The following TTC29 variants were observed in gnomAD, a reference collection of about 807,000 sequenced individuals.
The protein encoded by TTC29 is tetratricopeptide repeat protein 29.
A neutral mutation model predicts 58.1 loss-of-function variants in TTC29; 49 were observed. That is an observed-to-expected ratio of 0.84 (90% CI 0.67 to 1.07). The LOEUF (loss-of-function observed/expected upper bound fraction) is 1.07, where lower values mean the gene tolerates loss of function less well. Among genes scored for constraint, TTC29 ranks in the 50% least tolerant of loss-of-function variants. The probability of loss-of-function intolerance (pLI) is 0.00; values close to 1 mark genes in which losing one functional copy is unlikely to be tolerated. For synonymous variants in TTC29, 209 were observed against 196.8 expected, an observed-to-expected ratio of 1.06 and a Z score of -0.52; for missense variants, 582 against 555.6, an observed-to-expected ratio of 1.05 and a Z score of -0.48.
At chr4:146,910,665 G>A (rs1733837120) in intron 4 of TTC29, among the ~76,000 whole-genome samples, 1 of 152,100 alleles carries the variant, frequency 6.6e-6, no homozygotes, top group Non-Finnish European at 1.5e-5. Context: ...TGACGAGACT[G>A]CATTTTACAA....
At chr4:146,922,107 G>A (rs17022132) in intron 4 of TTC29, among the ~76,000 whole-genome samples, 23,520 of 148,588 alleles carry the variant, frequency 0.16, 2,975 homozygotes, top group African/African-American at 0.34. Flanking sequence ...CTTAAATGCA[G>A]AACCACTATG....
At chr4:146,831,931 A>T (rs948108012) in intron 9 of TTC29, 88 of 200,658 alleles carry the variant, frequency 4.4e-4, no homozygotes, top group African/African-American at 2.0e-3. Flanking sequence ...TTTATTAATT[A>T]ATTTATTTAT....
chr4:146,739,926 TC>T (rs1744999572), intron 11 of TTC29, among the ~76,000 whole-genome samples: 1 of 152,096 alleles, frequency 6.6e-6, no homozygotes, highest in South Asian at 2.1e-4. Context: ...CTAAATTCCC[TC>T]CAAAGAAATA....
chr4:146,799,133 A>G (rs1427959964), intron 11 of TTC29, among the ~76,000 whole-genome samples: 2 of 152,106 alleles, frequency 1.3e-5, no homozygotes, highest in East Asian at 3.9e-4. Context: ...AATGACACCA[A>G]GCTGCCAGTA....
intron 11 of TTC29, among the ~76,000 whole-genome samples, chr4:146,720,514 G>T (rs1250269931): frequency 6.6e-6 from 1 of 152,010 alleles, no homozygotes; most frequent in Non-Finnish European, 1.5e-5. Context: ...ACAAATGTAA[G>T]GTTAAGTCAT....
chr4:146,728,808 T>TATATACAC (rs1561066405), intron 11 of TTC29, among the ~76,000 whole-genome samples: 1 of 123,936 alleles, frequency 8.1e-6, no homozygotes, highest in Non-Finnish European at 1.7e-5. Context: ...TATATACACA[T>TATATACAC]ATATATGTGT....
At chr4:146,759,799 G>T (rs1746731468) in intron 11 of TTC29, among the ~76,000 whole-genome samples, 1 of 152,072 alleles carries the variant, frequency 6.6e-6, no homozygotes, top group African/African-American at 2.4e-5. Flanking sequence ...TGTAGTAAAA[G>T]CCATCTATGA....
chr4:146,767,826 C>T (rs1311746685), intron 11 of TTC29, among the ~76,000 whole-genome samples: 1 of 152,014 alleles, frequency 6.6e-6, no homozygotes, highest in Non-Finnish European at 1.5e-5. Flanking sequence ...ATAATGTCTG[C>T]TATTGCAAAA....
chr4:146,885,243 CA>C (rs199676126), intron 6 of TTC29, among the ~76,000 whole-genome samples: 27 of 149,672 alleles, frequency 1.8e-4, no homozygotes, highest in Admixed American at 1.5e-3. Context: ...TGCAATAAAG[CA>C]AAAAAAAGGA....
At chr4:146,719,285 A>G (rs1318721209) in intron 11 of TTC29, among the ~76,000 whole-genome samples, 1 of 151,842 alleles carries the variant, frequency 6.6e-6, no homozygotes, top group Non-Finnish European at 1.5e-5. Context: ...AAATGACGTT[A>G]AATCTCTCAA....
At chr4:146,790,025 T>G (rs1749312894) in intron 11 of TTC29, among the ~76,000 whole-genome samples, 1 of 152,142 alleles carries the variant, frequency 6.6e-6, no homozygotes, top group Non-Finnish European at 1.5e-5. Context: ...CATATTGGTT[T>G]CTATCCAGGT....
intron 11 of TTC29, among the ~76,000 whole-genome samples, chr4:146,736,003 G>A (rs74907629): frequency 0.02 from 3,035 of 152,220 alleles, 58 homozygotes; most frequent in Middle Eastern, 0.065. Flanking sequence ...CAATACTATC[G>A]AAGATTGGGT....
intron 7 of TTC29, among the ~76,000 whole-genome samples, chr4:146,872,962 A>C (rs1731031214): frequency 6.6e-6 from 1 of 152,158 alleles, no homozygotes; most frequent in Non-Finnish European, 1.5e-5. Context: ...GAAACAACTC[A>C]TATGTCCATC....
chr4:146,937,605 C>T lies in TTC29; in HGVS notation c.165G>A (p.Glu55=). The change falls in exon 4 of 13, where the codon GAG becomes GAA. Residue 55 remains glutamate (E), a synonymous_variant. Transcript: ENST00000325106. ...LEVNFKGLSK[E]EVAAYRNSYK... is the part of the protein sequence containing the mutation. Reference sequence around the variant, plus strand: ...AAGGTTGTACTTACGCAGCAACTTCCTCTTTTGATAATCCTTTGAAATTTA... The same window carrying T: ...AAGGTTGTACTTACGCAGCAACTTCTTCTTTTGATAATCCTTTGAAATTTA... The T allele has an allele frequency of 1.3e-6, 2 of 1,530,382 alleles. No homozygotes were observed. Among genetic ancestry groups the T allele is most frequent in the Non-Finnish European group, 1.8e-6 (2 of 1,134,464 alleles). The allele number at this position is 1,530,382 out of a possible 1,614,324, so 94.8% of individuals were successfully genotyped here. A position where few individuals can be genotyped will look rare whatever the true frequency, so the allele number is the denominator to read the frequency against.
chr4:146,728,806 CATATATATGTGTATATATACAT>C (rs1187453684), intron 11 of TTC29, among the ~76,000 whole-genome samples: 11 of 124,292 alleles, frequency 8.9e-5, no homozygotes, highest in African/African-American at 3.4e-4. Context: ...TATATATACA[CATATATATGTGTATATATACAT>C]ATATATACAC....
At chr4:146,755,352 A>C (rs1561093119) in intron 11 of TTC29, among the ~76,000 whole-genome samples, 2 of 152,196 alleles carry the variant, frequency 1.3e-5, no homozygotes, top group Admixed American at 6.5e-5. Context: ...GACATTCTTC[A>C]CTGAAATAGG....
At chr4:146,899,321 G>A (rs138734046) in intron 6 of TTC29, among the ~76,000 whole-genome samples, 2 of 152,264 alleles carry the variant, frequency 1.3e-5, no homozygotes, top group East Asian at 3.9e-4. Flanking sequence ...AGAATGAATG[G>A]GAACGTCTAT....
At chr4:146,722,324 A>T (rs949499085) in intron 11 of TTC29, among the ~76,000 whole-genome samples, 8 of 152,190 alleles carry the variant, frequency 5.3e-5, no homozygotes, top group African/African-American at 9.6e-5. Flanking sequence ...CAATTCTAAA[A>T]ATCATACAGA....
Position 146,931,657 on chromosome 4 carries a change from C to T in TTC29, c.176+5937G>A, listed in dbSNP as rs550200460. On this transcript the variant is annotated intron_variant, in intron 4 of 12. Transcript: ENST00000325106. ...TGCTAGTCATGATTCCCATGCTTTC[C>T]TCTTAGAGACATCTTTTTTTAATGT... Among the ~76,000 whole-genome samples, 7 of 152,298 alleles carry T rather than the reference C, an allele frequency of 4.6e-5. No individual in the cohort carries two copies. In the South Asian group the frequency reaches 1.5e-3, roughly 32 times the overall value.
Sources: gnomAD v4.1 joint callset for allele counts (sites outside exome capture counted in the v4.1 genomes callset) on GRCh38, gnomAD v4.1.1 for gene constraint, MANE v1.5 for transcripts, NCBI Gene and HGNC (gene_info 2026-07-23, HGNC 2026-07-21) for gene names.